DOCK9: variants seen among roughly 807,000 people sequenced by gnomAD.
The protein encoded by DOCK9 is dedicator of cytokinesis 9.
Under a neutral mutation model 263.3 loss-of-function variants are expected in DOCK9, and 89 were observed. The ratio of observed to expected loss-of-function variants is 0.34; its 90% confidence interval spans 0.28 to 0.40. The LOEUF (loss-of-function observed/expected upper bound fraction) is 0.40, where lower values mean the gene tolerates loss of function less well. Ranked by LOEUF, DOCK9 falls within the 10% of genes least tolerant of loss-of-function variation. The probability of loss-of-function intolerance (pLI) is 1.00; values close to 1 mark genes in which losing one functional copy is unlikely to be tolerated. For missense variants in DOCK9, 2,140 were observed against 2,603.4 expected (o/e 0.82, Z 3.87); for synonymous variants, 976 against 973.1 (o/e 1.00, Z -0.06).
chr13:99,083,273 T>C (rs1283324294), intron 1 of DOCK9, among the ~76,000 whole-genome samples: 3 of 151,380 alleles, frequency 2.0e-5, no homozygotes, highest in African/African-American at 7.3e-5. Context: ...AAAAAAAGAA[T>C]TCTAAGGCTC....
chr13:99,045,523 T>C (rs927950692), intron 1 of DOCK9, among the ~76,000 whole-genome samples: 1 of 152,030 alleles, frequency 6.6e-6, no homozygotes, highest in Non-Finnish European at 1.5e-5. Flanking sequence ...GGAGAGATGT[T>C]GGTAAAAAGA....
intron 1 of DOCK9, among the ~76,000 whole-genome samples, chr13:99,036,500 A>G (rs1887895332): frequency 6.6e-6 from 1 of 152,158 alleles, no homozygotes; most frequent in African/African-American, 2.4e-5. Flanking sequence ...GAACTGTGAG[A>G]AACAAATCAT....
In DOCK9 at chr13:98,925,997, T is replaced by C. The variant is rs542618434; in HGVS notation, c.334-78A>G. ...TTTGGAAAACACTTGGGAAAGTTTG[T>C]GAAGGCATACCCATAGAAACATCAA... is the stretch of plus-strand genomic sequence containing the variant. On this transcript the variant is annotated intron_variant, in intron 3 of 52. Coordinates refer to ENST00000682017, the MANE Select transcript of DOCK9 (RefSeq NM_001366683.2). 4 of 1,254,208 alleles carry C rather than the reference T, an allele frequency of 3.2e-6. No individual in the cohort carries two copies. In the Admixed American group the frequency reaches 9.8e-5, roughly 31 times the overall value. The allele number at this position is 1,254,208 out of a possible 1,614,324, so 77.7% of individuals were successfully genotyped here.
intron 1 of DOCK9, among the ~76,000 whole-genome samples, chr13:99,081,928 T>C (rs1481016665): frequency 6.6e-6 from 1 of 152,200 alleles, no homozygotes; most frequent in Non-Finnish European, 1.5e-5. Flanking sequence ...TAGTAGCACC[T>C]CCACTACTTT....
intron 1 of DOCK9, among the ~76,000 whole-genome samples, chr13:98,970,543 G>T (rs940812999): frequency 6.6e-6 from 1 of 152,114 alleles, no homozygotes; most frequent in African/African-American, 2.4e-5. Flanking sequence ...CCTTGGCAGT[G>T]ACAACTCTCC....
chr13:98,866,045 C>A (rs1291842921), intron 30 of DOCK9, among the ~76,000 whole-genome samples: 1 of 152,086 alleles, frequency 6.6e-6, no homozygotes. Flanking sequence ...TTCTCTCAGC[C>A]CAGAAAAAGT....
intron 27 of DOCK9, among the ~76,000 whole-genome samples, chr13:98,874,313 C>T (rs138402662): frequency 6.7e-4 from 102 of 152,368 alleles, no homozygotes; most frequent in African/African-American, 2.3e-3. Flanking sequence ...TGTTGCATGA[C>T]TCACTACTTT....
chr13:98,828,167 A>G (rs2092619476), intron 43 of DOCK9, among the ~76,000 whole-genome samples: 2 of 152,236 alleles, frequency 1.3e-5, no homozygotes, highest in Admixed American at 1.3e-4. Flanking sequence ...GTTCTCCCCA[A>G]GGACATTCGG....
At chr13:98,859,747 G>GTATATATA (rs1430331905) in intron 33 of DOCK9, 206 of 96,118 alleles carry the variant, frequency 2.1e-3, no homozygotes, top group Non-Finnish European at 3.6e-3. Context: ...GTGTGTGTGT[G>GTATATATA]TGTGTGTATA....
chr13:98,805,351 G>C (rs2090577383), intron 48 of DOCK9, 142 bp from the exon 49 acceptor site: 5 of 726,200 alleles, frequency 6.9e-6, no homozygotes, highest in Non-Finnish European at 9.1e-6. Flanking sequence ...CCACCACTTG[G>C]ATCAACAACT....
intron 1 of DOCK9, among the ~76,000 whole-genome samples, chr13:99,058,556 G>C (rs2041035839): frequency 6.6e-6 from 1 of 152,078 alleles, no homozygotes; most frequent in Admixed American, 6.5e-5. Context: ...CAGGTCCCAG[G>C]ACCCCCTGCC....
intron 1 of DOCK9, among the ~76,000 whole-genome samples, chr13:99,075,159 T>A (rs1376166424): frequency 1.3e-5 from 2 of 152,110 alleles, no homozygotes; most frequent in African/African-American, 4.8e-5. Flanking sequence ...TAAAATAGAC[T>A]AGTATCTACA....
intron 27 of DOCK9, among the ~76,000 whole-genome samples, chr13:98,876,249 T>C (rs1217774102): frequency 5.3e-5 from 8 of 152,164 alleles, no homozygotes; most frequent in Admixed American, 3.9e-4. Flanking sequence ...CCCAGCACTT[T>C]AGGAGGCCAA....
intron 52 of DOCK9, 58 bp from the exon 53 acceptor site, chr13:98,794,806 C>T: frequency 6.3e-7 from 1 of 1,582,370 alleles, no homozygotes; most frequent in South Asian, 1.1e-5. Flanking sequence ...TATGCAATGC[C>T]ATGTTGCCAT....
At chr13:98,796,467 AC>A (rs2089420475) in intron 52 of DOCK9, among the ~76,000 whole-genome samples, 1 of 152,196 alleles carries the variant, frequency 6.6e-6, no homozygotes, top group African/African-American at 2.4e-5. Flanking sequence ...CACAAAAAAA[AC>A]AATGTGGATG....
At chr13:98,978,236 G>A (rs887905079), upstream of DOCK9, among the ~76,000 whole-genome samples, 3 of 152,342 alleles carry the variant, frequency 2.0e-5, no homozygotes, top group Middle Eastern at 3.4e-3. Flanking sequence ...TCCACACAGC[G>A]TGGGCCAAAT....
rs181583776 is a variant in DOCK9 at position 98,976,440 on chromosome 13, G to A, written c.126+1344C>T. On this transcript the variant is annotated intron_variant, in intron 1 of 52. Coordinates refer to ENST00000682017, the MANE Select transcript of DOCK9 (RefSeq NM_001366683.2). ...ATCTTTCTACAGTGTATTCAGTCCT[G>A]TAGACAAATATTTCTACACAGCTGG... Among the ~76,000 whole-genome samples, 21 of 152,276 alleles carry A rather than the reference G, an allele frequency of 1.4e-4. 1 individual carries two copies. The East Asian group carries it at 3.9e-3, about 28-fold the overall frequency.
At chr13:98,917,657 T>C (rs77230752) in intron 7 of DOCK9, among the ~76,000 whole-genome samples, 9 of 151,926 alleles carry the variant, frequency 5.9e-5, no homozygotes, top group East Asian at 3.9e-4. Flanking sequence ...TTTTTTTTTT[T>C]CGGCAGGGCG....
chr13:98,865,690 G>A (rs1040916034), intron 30 of DOCK9, among the ~76,000 whole-genome samples: 11 of 152,174 alleles, frequency 7.2e-5, no homozygotes, highest in Non-Finnish European at 5.9e-5. Flanking sequence ...CCTGGGCTCT[G>A]TACCAGGTGG....
Sources: gnomAD v4.1 joint callset for allele counts (sites outside exome capture counted in the v4.1 genomes callset) on GRCh38, gnomAD v4.1.1 for gene constraint, MANE v1.5 for transcripts, NCBI Gene and HGNC (gene_info 2026-07-23, HGNC 2026-07-21) for gene names.